Variants in DNM3 observed in about 807,000 individuals in gnomAD.
DNM3 encodes dynamin-3.
In DNM3, 47 loss-of-function variants were observed where a neutral mutation model predicts 101.6. The observed-to-expected ratio is 0.46, with a 90% confidence interval of 0.37 to 0.59. The LOEUF (loss-of-function observed/expected upper bound fraction) is 0.59, where lower values mean the gene tolerates loss of function less well. Among genes scored for constraint, DNM3 ranks in the 20% least tolerant of loss-of-function variants. DNM3 has a pLI of 0.00. For synonymous variants in DNM3, 385 were observed against 387.9 expected, an observed-to-expected ratio of 0.99 and a Z score of 0.09; for missense variants, 849 against 1,085.7, an observed-to-expected ratio of 0.78 and a Z score of 3.06.
At chr1:172,075,489 A>G (rs1572395976) in intron 11 of DNM3, among the ~76,000 whole-genome samples, 1 of 152,178 alleles carries the variant, frequency 6.6e-6, no homozygotes, top group Admixed American at 6.5e-5. Flanking sequence ...CAATTTTTGT[A>G]TAAGGTGTAA....
At chr1:172,177,220 A>G (rs188433068) in intron 14 of DNM3, among the ~76,000 whole-genome samples, 1 of 151,978 alleles carries the variant, frequency 6.6e-6, no homozygotes, top group Admixed American at 6.6e-5. Flanking sequence ...ACCTGTGGTC[A>G]ACTGTGGTCC....
chr1:172,036,787 T>C (rs1195343663), intron 6 of DNM3, among the ~76,000 whole-genome samples: 1 of 151,834 alleles, frequency 6.6e-6, no homozygotes, highest in Non-Finnish European at 1.5e-5. Context: ...AAGCCAAAAT[T>C]GACAAATGGG....
chr1:171,998,671 A>G (rs1378736300), intron 4 of DNM3, among the ~76,000 whole-genome samples: 1 of 152,242 alleles, frequency 6.6e-6, no homozygotes, highest in East Asian at 1.9e-4. Flanking sequence ...GTATAATGTC[A>G]GGTGTTATGA....
At chr1:172,248,063 A>G (rs2062028248) in intron 14 of DNM3, among the ~76,000 whole-genome samples, 1 of 152,246 alleles carries the variant, frequency 6.6e-6, no homozygotes. Flanking sequence ...CATATCTCCT[A>G]GGAGCAGAAT....
intron 2 of DNM3, among the ~76,000 whole-genome samples, chr1:171,930,669 T>G (rs1042765831): frequency 6.6e-6 from 1 of 152,166 alleles, no homozygotes; most frequent in Non-Finnish European, 1.5e-5. Context: ...TCTGGCTCTG[T>G]GTTGATCCCA....
intron 14 of DNM3, among the ~76,000 whole-genome samples, chr1:172,228,065 T>A (rs2061200980): frequency 6.6e-6 from 1 of 152,178 alleles, no homozygotes. Flanking sequence ...GTATTATGGC[T>A]ATTAACTTTT....
chr1:172,321,893 T>C (rs1045898463), intron 16 of DNM3, among the ~76,000 whole-genome samples: 2 of 152,186 alleles, frequency 1.3e-5, no homozygotes, highest in Non-Finnish European at 2.9e-5. Context: ...GGATCTTTAT[T>C]GCCTTATTGA....
intron 2 of DNM3, among the ~76,000 whole-genome samples, chr1:171,927,949 T>C (rs1455172770): frequency 1.3e-5 from 2 of 152,220 alleles, no homozygotes; most frequent in Non-Finnish European, 2.9e-5. Flanking sequence ...TTGCTTTGGT[T>C]CTTTCTCATC....
chr1:171,945,099 G>T (rs1455070274), intron 2 of DNM3, among the ~76,000 whole-genome samples: 2 of 151,542 alleles, frequency 1.3e-5, no homozygotes, highest in African/African-American at 4.9e-5. Flanking sequence ...AGAACTCCTG[G>T]GCTCAAGTAA....
At chr1:172,014,457 T>C (rs1027908230) in intron 4 of DNM3, among the ~76,000 whole-genome samples, 1 of 152,148 alleles carries the variant, frequency 6.6e-6, no homozygotes. Context: ...CTCACCAAAT[T>C]TGGTATTGTC....
At chr1:172,321,216 TAGG>T (rs1364453229) in intron 16 of DNM3, among the ~76,000 whole-genome samples, 2 of 152,190 alleles carry the variant, frequency 1.3e-5, no homozygotes. Flanking sequence ...TGCGTTATTG[TAGG>T]AGAAGAAGAG....
intron 10 of DNM3, among the ~76,000 whole-genome samples, chr1:172,063,768 A>G (rs1419577371): frequency 1.2e-5 from 1 of 83,296 alleles, no homozygotes; most frequent in Non-Finnish European, 2.5e-5. Flanking sequence ...ACAGAGCGAG[A>G]CTTTGTCAAA....
In DNM3 at chr1:172,028,261, A is replaced by T. The variant is rs142498078; in HGVS notation, c.590-4141A>T. 3.6e-3 allele frequency among the ~76,000 whole-genome samples: 545 copies of T among 152,350 alleles called. 8 individuals are homozygous for T. The highest frequency in any genetic ancestry group is 0.013 in the African/African-American group (529 of 41,570). ...ATCAAATTAGAACTCAGGATTAAGA[A>T]ACTCACGAAAACCACACAACGTCAT... On this transcript the variant is annotated intron_variant, in intron 4 of 20. Transcript: ENST00000627582.
intron 11 of DNM3, among the ~76,000 whole-genome samples, chr1:172,071,119 A>ATATATATG (rs1553362100): frequency 8.0e-6 from 1 of 125,150 alleles, no homozygotes; most frequent in African/African-American, 3.1e-5. Flanking sequence ...ATATATATAT[A>ATATATATG]TCTTAGTTCT....
intron 1 of DNM3, among the ~76,000 whole-genome samples, chr1:171,896,260 C>G (rs992986805): frequency 7.2e-4 from 109 of 152,254 alleles, no homozygotes; most frequent in Non-Finnish European, 1.5e-3. Flanking sequence ...ATTGATTCTT[C>G]CTATCCATGA....
At chr1:172,108,770 T>C (rs1294787318) in intron 13 of DNM3, among the ~76,000 whole-genome samples, 1 of 152,222 alleles carries the variant, frequency 6.6e-6, no homozygotes, top group East Asian at 1.9e-4. Context: ...AGCTTTGCAC[T>C]GTACACTTGC....
At chr1:172,313,961 G>A (rs1463132997) in intron 16 of DNM3, among the ~76,000 whole-genome samples, 4 of 32,542 alleles carry the variant, frequency 1.2e-4, no homozygotes, top group South Asian at 1.9e-3. Context: ...CCTACCCCCC[G>A]ACAGGCCCCA....
At chr1:172,260,842 A>C (rs1371917943) in intron 15 of DNM3, among the ~76,000 whole-genome samples, 2 of 152,104 alleles carry the variant, frequency 1.3e-5, no homozygotes, top group African/African-American at 4.8e-5. Flanking sequence ...GATATGCAAC[A>C]TTTCCATGAT....
chr1:172,122,452 C>T (rs1305153328), intron 13 of DNM3, among the ~76,000 whole-genome samples: 2 of 152,122 alleles, frequency 1.3e-5, no homozygotes, highest in Non-Finnish European at 2.9e-5. Context: ...GACCCAATGT[C>T]ACCCAGGCAG....
Sources: gnomAD v4.1 joint callset for allele counts (sites outside exome capture counted in the v4.1 genomes callset) on GRCh38, gnomAD v4.1.1 for gene constraint, MANE v1.5 for transcripts, NCBI Gene and HGNC (gene_info 2026-07-23, HGNC 2026-07-21) for gene names.